Variants in ARHGEF10 observed in about 807,000 individuals in gnomAD.
The protein encoded by ARHGEF10 is Rho guanine nucleotide exchange factor (GEF) 10.
In ARHGEF10, 140 loss-of-function variants were observed where a neutral mutation model predicts 147.4. The ratio of observed to expected loss-of-function variants is 0.95; its 90% CI spans 0.83 to 1.09. The LOEUF (loss-of-function observed/expected upper bound fraction) is 1.09, where lower values mean the gene tolerates loss of function less well. Ranked by LOEUF, ARHGEF10 falls within the 50% of genes least tolerant of loss-of-function variation. The pLI is 0.00. For missense variants in ARHGEF10, 2,222 were observed against 1,752.7 expected, an observed-to-expected ratio of 1.27 and a Z score of -4.78; for synonymous variants, 902 against 695.8, an observed-to-expected ratio of 1.30 and a Z score of -4.67.
chr8:1,881,021 G>A (rs1373922136), intron 9 of ARHGEF10, among the ~76,000 whole-genome samples: 1 of 152,190 alleles, frequency 6.6e-6, no homozygotes, highest in Non-Finnish European at 1.5e-5. Flanking sequence ...GCAGTGTGGC[G>A]GGGTTTCTGA....
At chr8:1,947,355 T>C (rs1294613879) in intron 27 of ARHGEF10, among the ~76,000 whole-genome samples, 1 of 152,162 alleles carries the variant, frequency 6.6e-6, no homozygotes, top group East Asian at 1.9e-4. Flanking sequence ...ACGGTTACCC[T>C]GGTTTCAGAG....
chr8:1,839,960 AGC>A (rs1803881884), intron 1 of ARHGEF10, among the ~76,000 whole-genome samples: 1 of 76,516 alleles, frequency 1.3e-5, no homozygotes, highest in Admixed American at 1.3e-4. Flanking sequence ...CCGGTGTGGA[AGC>A]TGTCTGGTGT....
At chr8:1,854,083 T>A (rs1047436351) in intron 2 of ARHGEF10, among the ~76,000 whole-genome samples, 6 of 152,220 alleles carry the variant, frequency 3.9e-5, no homozygotes, top group Non-Finnish European at 8.8e-5. Context: ...CTGGGATTTT[T>A]AAAGGCATTC....
intron 10 of ARHGEF10, among the ~76,000 whole-genome samples, chr8:1,884,115 C>T (rs552445626): frequency 9.9e-5 from 15 of 152,212 alleles, no homozygotes; most frequent in East Asian, 9.7e-4. Flanking sequence ...AATCCTTGGC[C>T]GGGCACGGTG....
rs1809799510 is a variant in ARHGEF10 at position 1,894,395 on chromosome 8, A to AT, written c.1264dup (p.Tyr422LeufsTer2). On this transcript the variant is annotated frameshift_variant, in exon 13 of 29. Coordinates refer to ENST00000349830, the MANE Select transcript of ARHGEF10 (RefSeq NM_014629.4). LOFTEE classifies it high-confidence loss of function. Reference sequence around the variant, plus strand: ...TGTCTTTGCTCATTTTGTCTTAGCAATATGAGAAGCCGCTGTCTGAGATGG... The same window carrying AT: ...TGTCTTTGCTCATTTTGTCTTAGCAATTATGAGAAGCCGCTGTCTGAGATGG... 6.2e-7 allele frequency: 1 copy of AT among 1,614,062 alleles called. No individual in the cohort carries two copies.
At chr8:1,876,394 G>A (rs1315081039) in intron 7 of ARHGEF10, 177 bp from the exon 8 acceptor site, 3 of 669,766 alleles carry the variant, frequency 4.5e-6, no homozygotes, top group African/African-American at 3.6e-5. Context: ...CCCGGGTGGT[G>A]GAGGCGCTGC....
intron 27 of ARHGEF10, among the ~76,000 whole-genome samples, chr8:1,947,521 C>G (rs1814688754): frequency 6.6e-6 from 1 of 152,108 alleles, no homozygotes; most frequent in Non-Finnish European, 1.5e-5. Context: ...TAAAATAACC[C>G]TTGCACACGA....
At chr8:1,914,316 C>A (rs35266351) in intron 18 of ARHGEF10, among the ~76,000 whole-genome samples, 1 of 152,150 alleles carries the variant, frequency 6.6e-6, no homozygotes, top group South Asian at 2.1e-4. Flanking sequence ...TGTGGAGGCA[C>A]GGAGGGGTCT....
intron 2 of ARHGEF10, among the ~76,000 whole-genome samples, chr8:1,843,763 G>A (rs1477103660): frequency 1.3e-5 from 2 of 152,192 alleles, no homozygotes; most frequent in Non-Finnish European, 2.9e-5. Flanking sequence ...ACAGAATGGC[G>A]CCTTCCAGTG....
intron 1 of ARHGEF10, among the ~76,000 whole-genome samples, chr8:1,839,624 T>C (rs1194693439): frequency 7.5e-6 from 1 of 134,184 alleles, no homozygotes; most frequent in Admixed American, 7.6e-5. Context: ...CTGTCTGGTG[T>C]GGAAGCTGTC....
chr8:1,902,640 C>T (rs1469293122), intron 15 of ARHGEF10, among the ~76,000 whole-genome samples: 1 of 151,988 alleles, frequency 6.6e-6, no homozygotes, highest in African/African-American at 2.4e-5. Context: ...GCATTTGTGA[C>T]AACCAGGAGC....
chr8:1,921,683 T>G (rs1812299695), intron 18 of ARHGEF10, among the ~76,000 whole-genome samples: 1 of 151,820 alleles, frequency 6.6e-6, no homozygotes, highest in African/African-American at 2.4e-5. Context: ...TGCAGTGAGC[T>G]GAGATCGTGC....
At chr8:1,856,114 G>T (rs1805531924) in intron 2 of ARHGEF10, among the ~76,000 whole-genome samples, 1 of 152,178 alleles carries the variant, frequency 6.6e-6, no homozygotes, top group Non-Finnish European at 1.5e-5. Context: ...AGAAGTCTTT[G>T]ACCCTCTAGG....
chr8:1,843,889 C>G (rs1377189217), intron 2 of ARHGEF10, among the ~76,000 whole-genome samples: 1 of 152,198 alleles, frequency 6.6e-6, no homozygotes, highest in Non-Finnish European at 1.5e-5. Context: ...CCCTCTCTAT[C>G]CATATGCTCC....
chr8:1,832,970 AGGC>A lies in ARHGEF10; in HGVS notation c.-48+8858_-48+8860del, dbSNP rs1433310310. 8.5e-5 allele frequency among the ~76,000 whole-genome samples: 8 copies of A among 94,108 alleles called. 2 individuals carry two copies. Among genetic ancestry groups the A allele is most frequent in the African/African-American group, 8.4e-5 (2 of 23,684 alleles). The allele number at this position is 94,108 out of a possible 152,430, so 61.7% of individuals were successfully genotyped here. On this transcript the variant is annotated intron_variant, in intron 1 of 28. Transcript: ENST00000349830. ...GAGACAGAGGCAGAGGCAGATACAG[AGGC>A]AGAGAGAGACAGAGACAGAGGCAGA...
chr8:1,882,380 G>C (rs1808276632), intron 9 of ARHGEF10, among the ~76,000 whole-genome samples: 1 of 152,194 alleles, frequency 6.6e-6, no homozygotes, highest in Non-Finnish European at 1.5e-5. Flanking sequence ...CTCTTTGTGT[G>C]AGTGGATCAC....
At position 1,829,556 on chromosome 8, in the gene ARHGEF10, C is replaced by T. The variant is rs544597690; in HGVS notation, c.-48+5443C>T. 5.9e-5 allele frequency among the ~76,000 whole-genome samples: 9 copies of T among 152,360 alleles called. No homozygotes were observed. The South Asian group carries it at 1.9e-3, about 32-fold the overall frequency. On this transcript the variant is annotated intron_variant, in intron 1 of 28. Coordinates refer to ENST00000349830, the MANE Select transcript of ARHGEF10 (RefSeq NM_014629.4). ...AGCCCACACGAGAGGCCCTGACCCACGTCCAGCTGCCTCCACGGAAGCCGC... is the reference window on the plus strand; with the variant it reads ...AGCCCACACGAGAGGCCCTGACCCATGTCCAGCTGCCTCCACGGAAGCCGC...
intron 26 of ARHGEF10, among the ~76,000 whole-genome samples, chr8:1,942,280 C>T (rs571643281): frequency 4.7e-5 from 7 of 150,216 alleles, no homozygotes; most frequent in East Asian, 2.0e-4. Context: ...AGAAAAGTAA[C>T]GCTATTAAAG....
Position 1,893,637 on chromosome 8 carries a change from G to A in ARHGEF10, c.1251G>A (p.Arg417=), listed in dbSNP as rs765806365. The change falls in exon 12 of 29, where the codon AGG becomes AGA. Residue 417 remains arginine, a synonymous_variant. Coordinates refer to ENST00000349830, the MANE Select transcript of ARHGEF10 (RefSeq NM_014629.4). ...AGAACTACGTAGATGCTCTTAAGAG[G>A]ATTTTGGAGGTACTTAAGTGTCGTG... The part of the protein sequence containing the change: ...SEKNYVDALK[R]ILEQYEKPLS... 2 of 1,610,126 alleles carry A rather than the reference G, an allele frequency of 1.2e-6. No individual in the cohort carries two copies. The highest frequency in any genetic ancestry group is 2.2e-5 in the South Asian group (2 of 90,996).
Sources: allele counts gnomAD v4.1 joint callset (sites outside exome capture counted in the v4.1 genomes callset), GRCh38; gene constraint gnomAD v4.1.1; transcripts MANE v1.5; gene names NCBI Gene and HGNC (gene_info 2026-07-23, HGNC 2026-07-21).